SEMA3A: variants seen among roughly 807,000 people sequenced by gnomAD.
The protein encoded by SEMA3A is semaphorin-3A.
A neutral mutation model predicts 97.9 loss-of-function variants in SEMA3A; 29 were observed. The ratio of observed to expected loss-of-function variants is 0.30; its 90% confidence interval spans 0.22 to 0.40. SEMA3A has a LOEUF of 0.40. Among genes scored for constraint, SEMA3A ranks in the 10% least tolerant of loss-of-function variants. The probability of loss-of-function intolerance (pLI) is 1.00; values close to 1 mark genes in which losing one functional copy is unlikely to be tolerated. For missense variants in SEMA3A, 763 were observed against 951.3 expected (o/e 0.80, Z 2.60); for synonymous variants, 321 against 323.7 (o/e 0.99, Z 0.09).
intron 14 of SEMA3A, among the ~76,000 whole-genome samples, 168 bp downstream of exon 14, chr7:83,981,153 A>G (rs1212726871): frequency 6.6e-6 from 1 of 152,162 alleles, no homozygotes; most frequent in Admixed American, 6.5e-5. Context: ...TGTTTTAACT[A>G]TTTGAAGAGA....
intron 1 of SEMA3A, among the ~76,000 whole-genome samples, chr7:84,401,460 C>A (rs1803901004): frequency 6.9e-6 from 1 of 145,052 alleles, no homozygotes. Context: ...AAATCTCTAC[C>A]AAAATACCAA....
At chr7:84,403,900 C>A (rs1445178914) in intron 1 of SEMA3A, among the ~76,000 whole-genome samples, 1 of 152,184 alleles carries the variant, frequency 6.6e-6, no homozygotes, top group East Asian at 1.9e-4. Flanking sequence ...CTGTAGGTCA[C>A]CATCATCAAA....
At chr7:84,100,265 A>G (rs370930263) in intron 4 of SEMA3A, among the ~76,000 whole-genome samples, 261 of 152,228 alleles carry the variant, frequency 1.7e-3, no homozygotes, top group Non-Finnish European at 3.0e-3. Context: ...AATCCAGGAG[A>G]AAAAAATCAC....
chr7:84,283,247 T>C (rs1430180138), intron 3 of SEMA3A, among the ~76,000 whole-genome samples: 1 of 152,020 alleles, frequency 6.6e-6, no homozygotes, highest in African/African-American at 2.4e-5. Context: ...AGTATACCGA[T>C]GAACACATAC....
At chr7:84,141,166 G>A (rs183770493) in intron 1 of SEMA3A, among the ~76,000 whole-genome samples, 3 of 152,080 alleles carry the variant, frequency 2.0e-5, no homozygotes, top group African/African-American at 7.2e-5. Context: ...CAATACCAAT[G>A]GGCATCTATA....
At chr7:84,346,319 AT>A (rs752384996) in intron 2 of SEMA3A, among the ~76,000 whole-genome samples, 102 of 152,266 alleles carry the variant, frequency 6.7e-4, no homozygotes, top group Non-Finnish European at 1.1e-3. Flanking sequence ...CTTTCTTATC[AT>A]TTGTGTATTC....
At chr7:84,303,506 G>A (rs963947245) in intron 3 of SEMA3A, among the ~76,000 whole-genome samples, 1 of 151,372 alleles carries the variant, frequency 6.6e-6, no homozygotes, top group Non-Finnish European at 1.5e-5. Flanking sequence ...GTAACAATTA[G>A]TAACAGCTAA....
chr7:84,378,746 C>T (rs570731704), intron 1 of SEMA3A, among the ~76,000 whole-genome samples: 2 of 152,100 alleles, frequency 1.3e-5, no homozygotes, highest in South Asian at 4.1e-4. Flanking sequence ...TGAATTTAGA[C>T]ATGAGAATAC....
rs748219597 is a variant in SEMA3A, at chr7:83,961,716, T to C, written c.1971A>G (p.Ile657Met). Residue 657 changes from isoleucine (I) to methionine (M), a missense_variant, in exon 17 of 17, where the codon ATA (isoleucine) becomes ATG (methionine). Coordinates refer to ENST00000265362, the MANE Select transcript of SEMA3A (RefSeq NM_006080.3). ...CCAGGGTTACCTTAAGAAGAGTTTG[T>C]ATGAACCCATGTTCCACCGCATGGC... The part of the protein sequence containing the change: ...YLCHAVEHGF[I>M]QTLLKVTLEV... The C allele has an allele frequency of 8.7e-6, 14 of 1,613,590 alleles. No individual in the cohort carries two copies. Among genetic ancestry groups the C allele is most frequent in the Non-Finnish European group, 1.2e-5 (14 of 1,179,858 alleles).
intron 2 of SEMA3A, among the ~76,000 whole-genome samples, chr7:84,130,224 A>ATGAC (rs1447739032): frequency 1.3e-5 from 2 of 152,154 alleles, no homozygotes; most frequent in Non-Finnish European, 2.9e-5. Flanking sequence ...TTAGCCTAAA[A>ATGAC]TGACTGATTG....
At chr7:84,280,108 G>C (rs539439448) in intron 3 of SEMA3A, among the ~76,000 whole-genome samples, 1 of 152,118 alleles carries the variant, frequency 6.6e-6, no homozygotes, top group East Asian at 1.9e-4. Flanking sequence ...ATGTTGCCTT[G>C]GCTTGTCTCA....
At chr7:84,449,430 C>A (rs951113360) in intron 1 of SEMA3A, among the ~76,000 whole-genome samples, 1 of 151,518 alleles carries the variant, frequency 6.6e-6, no homozygotes, top group Non-Finnish European at 1.5e-5. Flanking sequence ...TTAGACTAAC[C>A]AAGAAGAAAA....
chr7:83,958,020 T>C lies in SEMA3A; in HGVS notation c.*3351A>G, dbSNP rs1376635989. The C allele has an allele frequency of 6.6e-6, 1 of 152,084 alleles. No individual in the cohort carries two copies. Among genetic ancestry groups the C allele is most frequent in the Admixed American group, 6.6e-5 (1 of 15,246 alleles). The allele number at this position is 152,084 out of a possible 1,614,324, so 9.4% of individuals were successfully genotyped here. On this transcript the variant is annotated 3_prime_UTR_variant, in exon 17 of 17. Coordinates refer to ENST00000265362, the MANE Select transcript of SEMA3A (RefSeq NM_006080.3). Reference sequence around the variant, plus strand: ...TAATAAAATGCTTGTCTGTGACCTTTAAGATAAGCAATTTCAATAACAGTC... The same window carrying C: ...TAATAAAATGCTTGTCTGTGACCTTCAAGATAAGCAATTTCAATAACAGTC...
chr7:84,407,770 C>T (rs1804140425), intron 1 of SEMA3A, among the ~76,000 whole-genome samples: 1 of 152,060 alleles, frequency 6.6e-6, no homozygotes, highest in Non-Finnish European at 1.5e-5. Context: ...CTTTGACAAA[C>T]CTGACAAAAA....
At chr7:84,319,999 T>C (rs1801607880) in intron 2 of SEMA3A, among the ~76,000 whole-genome samples, 1 of 152,178 alleles carries the variant, frequency 6.6e-6, no homozygotes, top group African/African-American at 2.4e-5. Flanking sequence ...AAATGATTTC[T>C]TTTTGCTAAA....
intron 3 of SEMA3A, among the ~76,000 whole-genome samples, chr7:84,123,338 G>A (rs1218153601): frequency 1.3e-5 from 2 of 151,938 alleles, no homozygotes; most frequent in African/African-American, 2.4e-5. Flanking sequence ...TCCCTATCCA[G>A]GGTCTCTGTC....
At position 84,067,609 on chromosome 7, in the gene SEMA3A, G is replaced by C. The variant is rs1018824535; in HGVS notation, c.454-7051C>G. 7.9e-5 allele frequency among the ~76,000 whole-genome samples: 12 copies of C among 152,204 alleles called. No individual in the cohort carries two copies. The South Asian group carries it at 2.3e-3, about 29-fold the overall frequency. On this transcript the variant is annotated intron_variant, in intron 4 of 16. Transcript: ENST00000265362. ...CAAACAACCCCATCAAAAAGTTGGC[G>C]AAGGACATGAACAGACACTTCTCAA... is the stretch of plus-strand genomic sequence containing the variant.
chr7:84,300,359 T>C (rs1235331429), intron 3 of SEMA3A, among the ~76,000 whole-genome samples: 1 of 152,086 alleles, frequency 6.6e-6, no homozygotes, highest in Non-Finnish European at 1.5e-5. Context: ...AGCATGTACT[T>C]AATCTGTAGT....
chr7:84,134,919 T>C lies in SEMA3A; in HGVS notation c.145A>G (p.Asn49Asp). The C allele has an allele frequency of 6.2e-7, 1 of 1,613,678 alleles. No homozygotes were observed. Among genetic ancestry groups the C allele is most frequent in the Non-Finnish European group, 8.5e-7 (1 of 1,179,854 alleles). ...TAACTGGAGCTGTTGGCCAAGCCATTGAAAGTGATCACATTGTTGGATTCC... is the reference window on the plus strand; with the variant it reads ...TAACTGGAGCTGTTGGCCAAGCCATCGAAAGTGATCACATTGTTGGATTCC... Reference protein sequence around the residue: ...MLESNNVITFNGLANSSSYHT... With the variant: ...MLESNNVITFDGLANSSSYHT... Residue 49 changes from asparagine (N) to aspartate (D), a missense_variant, in exon 2 of 17, where the codon AAT becomes GAT. Coordinates refer to ENST00000265362, the MANE Select transcript of SEMA3A (RefSeq NM_006080.3).
Sources: allele counts gnomAD v4.1 joint callset (sites outside exome capture counted in the v4.1 genomes callset), GRCh38; gene constraint gnomAD v4.1.1; transcripts MANE v1.5; gene names NCBI Gene and HGNC (gene_info 2026-07-23, HGNC 2026-07-21).